Variants in NCAM2 observed in about 807,000 individuals in gnomAD.
NCAM2 encodes the protein N-CAM-2.
NCAM2 carries 30 observed loss-of-function variants against 98.1 expected under a neutral mutation model. That is an observed-to-expected ratio of 0.31 (90% CI 0.23 to 0.41). The LOEUF is 0.41. Ranked by LOEUF, NCAM2 falls within the 10% of genes least tolerant of loss-of-function variation. NCAM2 has a pLI of 1.00. For synonymous variants in NCAM2, 368 were observed against 342.4 expected (o/e 1.07, Z -0.83); for missense variants, 867 against 1,005.8 (o/e 0.86, Z 1.87).
chr21:21,530,428 A>C (rs1382910355), intron 16 of NCAM2, among the ~76,000 whole-genome samples: 2 of 149,542 alleles, frequency 1.3e-5, no homozygotes, highest in East Asian at 3.9e-4. Context: ...AAAAGTAGAA[A>C]TCAAAGACCT....
At position 21,284,238 on chromosome 21, in the gene NCAM2, G is replaced by T; in HGVS notation, c.175G>T (p.Glu59Ter). 6.2e-7 allele frequency: 1 copy of T among 1,612,580 alleles called. No individual in the cohort carries two copies. The highest frequency in any genetic ancestry group is 2.2e-5 in the East Asian group (1 of 44,782). The part of the protein sequence containing the change: ...ESIDWYNPQG[E>*]KIISTQRVVV... The stretch of plus-strand genomic sequence containing the variant: ...TATAGATTGGTATAATCCTCAAGGA[G>T]AGAAGATAATTTCAACACAGAGGGT... Residue 59 changes from glutamate (E) to a stop codon, truncating the protein, a stop_gained, in exon 3 of 18, where the codon GAG (glutamate) becomes TAG (stop). Transcript: ENST00000400546. LOFTEE classifies it high-confidence loss of function.
intron 9 of NCAM2, among the ~76,000 whole-genome samples, chr21:21,381,614 T>C (rs1227161772): frequency 6.6e-6 from 1 of 152,186 alleles, no homozygotes; most frequent in Non-Finnish European, 1.5e-5. Context: ...ACACTTTACA[T>C]AAAATGTGAA....
In NCAM2 at chr21:20,998,416, G is replaced by C. The variant is rs940864653; in HGVS notation, c.-148G>C. ...AGAGCGGAGCTTGCAGTCACTTTGC[G>C]AGGAGGAGCGCGCGGGCTGCGGGCG... is the stretch of plus-strand genomic sequence containing the variant. On this transcript the variant is annotated 5_prime_UTR_variant, in exon 1 of 18. Transcript: ENST00000400546. 4 of 634,416 alleles carry C rather than the reference G, an allele frequency of 6.3e-6. No individual in the cohort carries two copies. The highest frequency in any genetic ancestry group is 1.1e-5 in the Non-Finnish European group (4 of 378,098). The allele number at this position is 634,416 out of a possible 1,614,324, so 39.3% of individuals were successfully genotyped here. A position where few individuals can be genotyped will look rare whatever the true frequency, so the allele number is the denominator to read the frequency against.
chr21:21,229,846 C>T (rs540697968), intron 1 of NCAM2, among the ~76,000 whole-genome samples: 41 of 151,416 alleles, frequency 2.7e-4, no homozygotes, highest in South Asian at 8.3e-4. Context: ...CCATCTCAGA[C>T]GTATTTACAA....
intron 1 of NCAM2, among the ~76,000 whole-genome samples, chr21:21,102,874 A>G (rs1316268722): frequency 1.3e-5 from 2 of 152,080 alleles, no homozygotes; most frequent in Non-Finnish European, 2.9e-5. Context: ...AAAATGAAAA[A>G]AAACTCTCCT....
At chr21:21,307,268 A>G (rs765333509) in intron 5 of NCAM2, among the ~76,000 whole-genome samples, 3 of 152,118 alleles carry the variant, frequency 2.0e-5, no homozygotes, top group African/African-American at 4.8e-5. Context: ...CTTGTTAACT[A>G]TAACTCGTTC....
At chr21:21,310,938 G>A (rs940986955) in intron 5 of NCAM2, among the ~76,000 whole-genome samples, 30 of 152,240 alleles carry the variant, frequency 2.0e-4, no homozygotes, top group South Asian at 6.2e-4. Flanking sequence ...TTTATAGTAA[G>A]TCCCACAGTT....
At position 21,265,453 on chromosome 21, in the gene NCAM2, T is replaced by C. The variant is rs1017227807; in HGVS notation, c.56-15125T>C. ...TGTATATATATTATATATACACACA[T>C]ATATAATATATGTGTGTATATATAT... On this transcript the variant is annotated intron_variant, in intron 1 of 17. Coordinates refer to ENST00000400546, the MANE Select transcript of NCAM2 (RefSeq NM_004540.5). Among the ~76,000 whole-genome samples, 42 of 137,452 alleles carry C rather than the reference T, an allele frequency of 3.1e-4. 2 individuals carry two copies. In the South Asian group the frequency reaches 6.7e-3, roughly 22 times the overall value. The allele number at this position is 137,452 out of a possible 152,430, so 90.2% of individuals were successfully genotyped here.
intron 1 of NCAM2, among the ~76,000 whole-genome samples, chr21:21,222,723 C>G (rs1479498179): frequency 5.9e-5 from 9 of 152,130 alleles, no homozygotes; most frequent in Non-Finnish European, 1.2e-4. Context: ...GGTGAAGATG[C>G]TATGAACATT....
intron 1 of NCAM2, among the ~76,000 whole-genome samples, chr21:21,054,892 T>G (rs1712855748): frequency 6.6e-6 from 1 of 152,030 alleles, no homozygotes; most frequent in Non-Finnish European, 1.5e-5. Context: ...TCATAAATTT[T>G]TAAATACTTC....
intron 1 of NCAM2, among the ~76,000 whole-genome samples, chr21:21,151,966 GATT>G (rs2067461843): frequency 6.6e-6 from 1 of 151,892 alleles, no homozygotes; most frequent in Admixed American, 6.6e-5. Context: ...CCTAATTAGA[GATT>G]ATTAAGTTTC....
intron 1 of NCAM2, among the ~76,000 whole-genome samples, chr21:21,070,257 T>C (rs1477631936): frequency 1.5e-5 from 2 of 136,414 alleles, no homozygotes; most frequent in African/African-American, 5.6e-5. Flanking sequence ...ACCTGATATA[T>C]GTACATAGTG....
intron 17 of NCAM2, among the ~76,000 whole-genome samples, chr21:21,535,408 T>TC (rs1989929744): frequency 6.6e-6 from 1 of 152,138 alleles, no homozygotes; most frequent in South Asian, 2.1e-4. Flanking sequence ...TTATTATTTT[T>TC]CAAAACAAAT....
chr21:21,446,900 G>C lies in NCAM2; in HGVS notation c.1654+14619G>C, dbSNP rs566611235. On this transcript the variant is annotated intron_variant, in intron 12 of 17. Coordinates refer to ENST00000400546, the MANE Select transcript of NCAM2 (RefSeq NM_004540.5). ...ACAAACCACTCTCAAGGAAATAAGA[G>C]AGGACACAAAGAAATGGAAAAACAT... Among the ~76,000 whole-genome samples, 9 of 152,192 alleles carry C rather than the reference G, an allele frequency of 5.9e-5. No homozygotes were observed. In the East Asian group the frequency reaches 1.7e-3, roughly 29 times the overall value.
At position 21,508,885 on chromosome 21, in the gene NCAM2, A is replaced by T. The variant is rs146260588; in HGVS notation, c.2112A>T (p.Val704=). Residue 704 remains valine (V), a synonymous_variant, in exon 16 of 18, where the codon GTA becomes GTT. Coordinates refer to ENST00000400546, the MANE Select transcript of NCAM2 (RefSeq NM_004540.5). ...TLFNGLGLGA[V]IGLGVAALLL... The stretch of plus-strand genomic sequence containing the variant: ...TTAATGGTCTTGGGCTTGGAGCAGT[A>T]ATTGGCCTGGGAGTTGCTGCACTGC... 4.7e-5 allele frequency: 69 copies of T among 1,478,678 alleles called. No individual in the cohort carries two copies. The African/African-American group carries it at 9.1e-4, about 19-fold the overall frequency. 91.6% of individuals were successfully genotyped at this position (1,478,678 alleles called of 1,614,324 possible).
At chr21:21,099,473 G>A (rs2066193603) in intron 1 of NCAM2, among the ~76,000 whole-genome samples, 1 of 151,806 alleles carries the variant, frequency 6.6e-6, no homozygotes, top group Non-Finnish European at 1.5e-5. Flanking sequence ...CCTCTTCACA[G>A]GGCAGCAAGA....
intron 4 of NCAM2, among the ~76,000 whole-genome samples, chr21:21,289,180 TC>T (rs2073204902): frequency 1.3e-5 from 2 of 152,068 alleles, no homozygotes; most frequent in African/African-American, 4.8e-5. Context: ...ATTACCTTGT[TC>T]AATACAATTT....
At chr21:21,204,816 T>C (rs904567749) in intron 1 of NCAM2, among the ~76,000 whole-genome samples, 2 of 152,186 alleles carry the variant, frequency 1.3e-5, no homozygotes, top group African/African-American at 4.8e-5. Flanking sequence ...TTAATTGCTT[T>C]TTGGTGTGTT....
chr21:21,397,496 T>C (rs1409289948), intron 9 of NCAM2, among the ~76,000 whole-genome samples: 2 of 152,160 alleles, frequency 1.3e-5, no homozygotes, highest in Non-Finnish European at 2.9e-5. Flanking sequence ...GTCTGGTGTG[T>C]CAGCACCTCC....
Sources: gnomAD v4.1 joint callset for allele counts (sites outside exome capture counted in the v4.1 genomes callset) on GRCh38, gnomAD v4.1.1 for gene constraint, MANE v1.5 for transcripts, NCBI Gene and HGNC (gene_info 2026-07-23, HGNC 2026-07-21) for gene names.